Variants in TSNARE1 observed in about 807,000 individuals in gnomAD.
The protein encoded by TSNARE1 is t-SNARE domain containing 1, also known as t-SNARE domain-containing protein 1.
A neutral mutation model predicts 62.0 loss-of-function variants in TSNARE1; 49 were observed. That is an observed-to-expected ratio of 0.79 (90% CI 0.63 to 1.00). The LOEUF (loss-of-function observed/expected upper bound fraction) is 1.00, where lower values mean the gene tolerates loss of function less well. Ranked by LOEUF, TSNARE1 falls within the 50% of genes least tolerant of loss-of-function variation. The pLI is 0.00. For missense variants in TSNARE1, 755 were observed against 700.1 expected (o/e 1.08, Z -0.88); for synonymous variants, 328 against 294.4 (o/e 1.11, Z -1.17).
intron 12 of TSNARE1, chr8:142,271,345 G>C: frequency 2.5e-6 from 3 of 1,185,646 alleles, no homozygotes; most frequent in Non-Finnish European, 3.1e-6. Context: ...GGTTTTGCTG[G>C]GCCATGAGTG....
chr8:142,297,535 A>G (rs1350104747), intron 10 of TSNARE1, among the ~76,000 whole-genome samples: 2 of 152,194 alleles, frequency 1.3e-5, no homozygotes, highest in Non-Finnish European at 2.9e-5. Context: ...CAAAGCCCCC[A>G]GTGAATGTGG....
chr8:142,265,244 G>C (rs2130431451), intron 12 of TSNARE1, among the ~76,000 whole-genome samples: 1 of 152,156 alleles, frequency 6.6e-6, no homozygotes, highest in Middle Eastern at 3.4e-3. Context: ...TTTTACAACT[G>C]CACCCTACCC....
chr8:142,255,992 TCACCATCACCACCACCATCAC>T (rs1818495396), intron 12 of TSNARE1, among the ~76,000 whole-genome samples: 1 of 46,566 alleles, frequency 2.1e-5, no homozygotes, highest in Non-Finnish European at 4.2e-5. Flanking sequence ...ACCACCACCG[TCACCATCACCACCACCATCAC>T]CATCACCACC....
chr8:142,351,608 T>C (rs900498903), intron 2 of TSNARE1, among the ~76,000 whole-genome samples: 2 of 152,128 alleles, frequency 1.3e-5, no homozygotes, highest in African/African-American at 2.4e-5. Flanking sequence ...GTGCGACAGG[T>C]GATCCTAAAC....
At chr8:142,383,071 G>A (rs1336725871) in intron 1 of TSNARE1, among the ~76,000 whole-genome samples, 1 of 152,194 alleles carries the variant, frequency 6.6e-6, no homozygotes. Context: ...CAACAGGACA[G>A]GGAAAGGCTG....
chr8:142,392,309 AC>A (rs2131377466), intron 1 of TSNARE1, among the ~76,000 whole-genome samples: 1 of 152,298 alleles, frequency 6.6e-6, no homozygotes, highest in African/African-American at 2.4e-5. Context: ...GGCGTGAGCC[AC>A]CACACCCAGC....
intron 1 of TSNARE1, 80 bp from the exon 2 acceptor site, chr8:142,354,843 C>T: frequency 1.3e-6 from 1 of 758,756 alleles, no homozygotes; most frequent in South Asian, 1.6e-5. Context: ...ACAGGGGCCG[C>T]CGGCCCCTCC....
chr8:142,396,067 G>A (rs2131430660), intron 1 of TSNARE1, among the ~76,000 whole-genome samples: 1 of 152,126 alleles, frequency 6.6e-6, no homozygotes, highest in Middle Eastern at 3.4e-3. Flanking sequence ...CTCTCTGACA[G>A]GACCCTTGAT....
rs746319744 is a variant in TSNARE1 at position 142,354,777 on chromosome 8, G to A, written c.-39-14C>T. ...CTCCACACTGAGCTGGAGGAAACAC[G>A]AAAAGCAGGGGGAAGAGGGGGAAGA... On this transcript the variant is annotated splice_polypyrimidine_tract_variant and intron_variant, in intron 1 of 13. Transcript: ENST00000524325. The A allele has an allele frequency of 9.7e-6, 14 of 1,449,198 alleles. No individual in the cohort carries two copies. The highest frequency in any genetic ancestry group is 2.8e-5 in the African/African-American group (2 of 71,374). 89.8% of individuals were successfully genotyped at this position (1,449,198 alleles called of 1,614,324 possible). A position where few individuals can be genotyped will look rare whatever the true frequency, so the allele number is the denominator to read the frequency against.
intron 1 of TSNARE1, among the ~76,000 whole-genome samples, chr8:142,357,756 G>A (rs35417839): frequency 9.2e-5 from 14 of 152,156 alleles, no homozygotes; most frequent in African/African-American, 2.4e-4. Context: ...CATGCAGAAC[G>A]CGAGTCCACT....
chr8:142,297,999 G>C (rs1285163529), intron 10 of TSNARE1, among the ~76,000 whole-genome samples: 1 of 152,190 alleles, frequency 6.6e-6, no homozygotes, highest in Non-Finnish European at 1.5e-5. Context: ...AGAAGGGCCA[G>C]GCTGGCCATG....
At chr8:142,227,166 A>G (rs1816851917) in intron 13 of TSNARE1, among the ~76,000 whole-genome samples, 1 of 147,188 alleles carries the variant, frequency 6.8e-6, no homozygotes, top group Admixed American at 6.7e-5. Flanking sequence ...CAGGACCTCC[A>G]CTGTGCCCAC....
chr8:142,271,701 G>C (rs749301659), intron 12 of TSNARE1: 118 of 1,360,734 alleles, frequency 8.7e-5, no homozygotes, highest in Non-Finnish European at 4.8e-5. Flanking sequence ...GCTAACAGAG[G>C]GAGACAGGAA....
chr8:142,359,329 G>A (rs370920151), intron 1 of TSNARE1, among the ~76,000 whole-genome samples: 1 of 152,118 alleles, frequency 6.6e-6, no homozygotes, highest in Non-Finnish European at 1.5e-5. Flanking sequence ...CACGCCCGCT[G>A]GAGCCGTCCT....
rs537884081 is a variant in TSNARE1 at position 142,284,477 on chromosome 8, C to T, written c.1299G>A (p.Leu433=). 8.7e-6 allele frequency: 14 copies of T among 1,613,738 alleles called. No homozygotes were observed. The highest frequency in any genetic ancestry group is 2.7e-5 in the African/African-American group (2 of 75,040). Residue 433 remains leucine (L), a synonymous_variant, in exon 11 of 14, where the codon TTG becomes TTA. Coordinates refer to ENST00000524325, the MANE Select transcript of TSNARE1 (RefSeq NM_145003.5). ...EEAILQMESN[L]LDVNQIIKDL... ...CCTTGATGATCTGATTCACATCCAG[C>T]AAGTTGCTCTGTGGAAACAACATAG...
intron 12 of TSNARE1, among the ~76,000 whole-genome samples, chr8:142,267,255 A>G (rs1819180946): frequency 6.6e-6 from 1 of 152,180 alleles, no homozygotes; most frequent in African/African-American, 2.4e-5. Context: ...TTTTGTGGGT[A>G]TCCCAAAGGC....
intron 4 of TSNARE1, among the ~76,000 whole-genome samples, chr8:142,340,827 T>C (rs1405569793): frequency 1.3e-5 from 2 of 152,204 alleles, no homozygotes; most frequent in Non-Finnish European, 2.9e-5. Context: ...GCCTGCAGTC[T>C]GCTCGGACTT....
chr8:142,291,646 C>T lies in TSNARE1; in HGVS notation c.1291-7161G>A, dbSNP rs1351870532. Among the ~76,000 whole-genome samples the T allele has an allele frequency of 6.6e-6, 1 of 152,212 alleles. No individual in the cohort carries two copies. The highest frequency in any genetic ancestry group is 6.5e-5 in the Admixed American group (1 of 15,290). ...GCAGACGTGACGGGAACAGGCAACGCCGTTGCCTCCGCGGGCTTACGCTCG... is the reference window on the plus strand; with the variant it reads ...GCAGACGTGACGGGAACAGGCAACGTCGTTGCCTCCGCGGGCTTACGCTCG... On this transcript the variant is annotated intron_variant, in intron 10 of 13. Transcript: ENST00000524325. This position sits in a 1 kb window ranked among gnomAD's most constrained non-coding sequence, Gnocchi z 4.8.
At chr8:142,271,268 G>T in intron 12 of TSNARE1, 7 of 1,045,434 alleles carry the variant, frequency 6.7e-6, no homozygotes, top group Non-Finnish European at 6.9e-6. Flanking sequence ...CCTCTCGAGG[G>T]TCCGGTTGAG....
Sources: allele counts gnomAD v4.1 joint callset (sites outside exome capture counted in the v4.1 genomes callset), GRCh38; gene constraint gnomAD v4.1.1; non-coding constraint Gnocchi (gnomAD v3.1); transcripts MANE v1.5; gene names NCBI Gene and HGNC (gene_info 2026-07-23, HGNC 2026-07-21).